STMN2: variants seen among roughly 807,000 people sequenced by gnomAD.
The protein encoded by STMN2 is stathmin-2.
Under a neutral mutation model 24.1 loss-of-function variants are expected in STMN2, and 2 were observed. That is an observed-to-expected ratio of 0.08 (90% CI 0.03 to 0.26). The LOEUF is 0.26. Ranked by LOEUF, STMN2 falls within the 10% of genes least tolerant of loss-of-function variation. STMN2 has a pLI of 1.00. For missense variants in STMN2, 114 were observed against 213.6 expected, an observed-to-expected ratio of 0.53 and a Z score of 2.91; for synonymous variants, 83 against 77.5, an observed-to-expected ratio of 1.07 and a Z score of -0.37.
intron 3 of STMN2, among the ~76,000 whole-genome samples, chr8:79,645,302 C>T (rs1336304297): frequency 6.6e-6 from 1 of 152,066 alleles, no homozygotes; most frequent in African/African-American, 2.4e-5. Flanking sequence ...TTTCAATATG[C>T]ATGTAATCAA....
intron 3 of STMN2, among the ~76,000 whole-genome samples, chr8:79,651,373 G>C (rs934276798): frequency 1.3e-5 from 2 of 152,156 alleles, no homozygotes; most frequent in Non-Finnish European, 2.9e-5. Flanking sequence ...ATTAAATTGA[G>C]TCATTTCAAA....
At chr8:79,653,147 G>C (rs1459978502) in intron 3 of STMN2, among the ~76,000 whole-genome samples, 1 of 152,056 alleles carries the variant, frequency 6.6e-6, no homozygotes, top group Non-Finnish European at 1.5e-5. Flanking sequence ...GGAGGCCGAG[G>C]CGGGTGGATC....
chr8:79,628,921 T>C (rs926242198), intron 1 of STMN2, among the ~76,000 whole-genome samples: 2 of 152,236 alleles, frequency 1.3e-5, no homozygotes, highest in African/African-American at 4.8e-5. Flanking sequence ...CTTTAGGTTG[T>C]TTGCAGAAAA....
At chr8:79,663,391 G>A (rs1048412313) in intron 4 of STMN2, among the ~76,000 whole-genome samples, 13 of 152,198 alleles carry the variant, frequency 8.5e-5, no homozygotes, top group South Asian at 4.1e-4. Context: ...GCAAAATGGG[G>A]ACAATAATAG....
rs184447457 is a variant in STMN2 at position 79,657,798 on chromosome 8, G to A, written c.480+2736G>A. On this transcript the variant is annotated intron_variant, in intron 4 of 4. Transcript: ENST00000220876. ...AATACAAAATTGTGGTTTACATATT[G>A]TGAATGTGTATACTAAAACTACTTT... Among the ~76,000 whole-genome samples the A allele has an allele frequency of 6.3e-4, 96 of 152,284 alleles. No individual in the cohort carries two copies. In the Middle Eastern group the frequency reaches 0.01, roughly 16 times the overall value.
At chr8:79,620,144 G>C (rs536576788) in intron 1 of STMN2, among the ~76,000 whole-genome samples, 152 of 147,056 alleles carry the variant, frequency 1.0e-3, no homozygotes, top group Non-Finnish European at 1.5e-3. Flanking sequence ...AGGCAGACTC[G>C]GAACACAGGT....
At chr8:79,643,149 G>GTGTGTATATATA (rs764308760) in intron 3 of STMN2, among the ~76,000 whole-genome samples, 7 of 140,108 alleles carry the variant, frequency 5.0e-5, no homozygotes, top group African/African-American at 1.8e-4. Flanking sequence ...ATGTGTGTGT[G>GTGTGTATATATA]TATATATATA....
At chr8:79,636,336 T>A (rs1809954406) in intron 1 of STMN2, among the ~76,000 whole-genome samples, 1 of 152,256 alleles carries the variant, frequency 6.6e-6, no homozygotes, top group South Asian at 2.1e-4. Context: ...TCCTGATGAG[T>A]TATCTGACTA....
At chr8:79,650,227 T>C (rs956233586) in intron 3 of STMN2, among the ~76,000 whole-genome samples, 1 of 152,254 alleles carries the variant, frequency 6.6e-6, no homozygotes, top group Non-Finnish European at 1.5e-5. Flanking sequence ...CAAGGCCAGA[T>C]ACTTTTTCCT....
intron 3 of STMN2, among the ~76,000 whole-genome samples, chr8:79,653,292 G>A (rs115030670): frequency 0.011 from 1,700 of 152,164 alleles, 37 homozygotes; most frequent in African/African-American, 0.039. Flanking sequence ...CATGAGAATC[G>A]CTTGAACCTC....
chr8:79,652,264 A>C (rs1403820329), intron 3 of STMN2, among the ~76,000 whole-genome samples: 1 of 152,254 alleles, frequency 6.6e-6, no homozygotes, highest in East Asian at 1.9e-4. Context: ...ATTCTTGGAC[A>C]CATTGCACCC....
intron 4 of STMN2, among the ~76,000 whole-genome samples, chr8:79,664,492 A>T (rs1340012788): frequency 1.3e-5 from 2 of 152,226 alleles, no homozygotes; most frequent in Non-Finnish European, 2.9e-5. Context: ...ATCATTAGAA[A>T]TGATAGAGAA....
intron 3 of STMN2, among the ~76,000 whole-genome samples, chr8:79,644,059 C>T (rs1443145729): frequency 6.6e-6 from 1 of 151,966 alleles, no homozygotes; most frequent in Admixed American, 6.6e-5. Context: ...TGATTTTATT[C>T]TATTGGGTTA....
At chr8:79,634,100 A>C (rs1164705653) in intron 1 of STMN2, among the ~76,000 whole-genome samples, 1 of 152,118 alleles carries the variant, frequency 6.6e-6, no homozygotes, top group Non-Finnish European at 1.5e-5. Context: ...TGTGTTTCTA[A>C]TATGTGCTTA....
intron 4 of STMN2, 49 bp downstream of exon 4, chr8:79,655,111 A>C (rs760514433): frequency 6.3e-7 from 1 of 1,588,322 alleles, no homozygotes; most frequent in Non-Finnish European, 8.6e-7. Flanking sequence ...TATGCAGCAC[A>C]GCTGGGTGAA....
In STMN2 at chr8:79,665,722, A is replaced by G. The variant is rs575675366; in HGVS notation, c.*848A>G. 2 of 154,510 alleles carry G rather than the reference A, an allele frequency of 1.3e-5. No individual in the cohort carries two copies. The highest frequency in any genetic ancestry group is 2.9e-5 in the Non-Finnish European group (2 of 68,224). The allele number at this position is 154,510 out of a possible 1,614,324, so 9.6% of individuals were successfully genotyped here. ...GTCAGGTGGCTTATTTGTGGATGCC[A>G]TGATTGATGATGTTCATTTTAAGCT... is the stretch of plus-strand genomic sequence containing the variant. On this transcript the variant is annotated 3_prime_UTR_variant, in exon 5 of 5. Transcript: ENST00000220876.
intron 2 of STMN2, among the ~76,000 whole-genome samples, chr8:79,639,442 C>T (rs1157594836): frequency 1.3e-5 from 2 of 152,132 alleles, no homozygotes; most frequent in East Asian, 1.9e-4. Flanking sequence ...GAGTTTGGGA[C>T]TCAAAGAATG....
At chr8:79,657,449 C>T (rs911572588) in intron 4 of STMN2, among the ~76,000 whole-genome samples, 3 of 152,190 alleles carry the variant, frequency 2.0e-5, no homozygotes, top group Non-Finnish European at 2.9e-5. Flanking sequence ...CTGACATCAA[C>T]CCACAGAATC....
intron 1 of STMN2, among the ~76,000 whole-genome samples, chr8:79,633,176 T>A (rs1309945869): frequency 6.6e-6 from 1 of 152,106 alleles, no homozygotes; most frequent in Non-Finnish European, 1.5e-5. Context: ...CACAGGAGAG[T>A]GTGCCTTTGC....
Sources: allele counts gnomAD v4.1 joint callset (sites outside exome capture counted in the v4.1 genomes callset), GRCh38; gene constraint gnomAD v4.1.1; transcripts MANE v1.5; gene names NCBI Gene and HGNC (gene_info 2026-07-23, HGNC 2026-07-21).